Variants in REXO5 observed in about 807,000 individuals in gnomAD.
REXO5 encodes the protein RNA exonuclease 5, also known as exonuclease NEF-sp.
In REXO5, 48 loss-of-function variants were observed where a neutral mutation model predicts 88.5. That is an observed-to-expected ratio of 0.54 (90% CI 0.43 to 0.69). The LOEUF (loss-of-function observed/expected upper bound fraction) is 0.69. Among genes scored for constraint, REXO5 ranks in the 30% least tolerant of loss-of-function variants. The pLI is 0.00. For missense variants in REXO5, 749 were observed against 912.2 expected (o/e 0.82, Z 2.30); for synonymous variants, 311 against 336.5 (o/e 0.92, Z 0.83).
intron 2 of REXO5, 51 bp downstream of exon 2, chr16:20,807,142 G>C: frequency 6.4e-7 from 1 of 1,554,114 alleles, no homozygotes; most frequent in South Asian, 1.2e-5. Context: ...TGGAGCTCCC[G>C]GACCCTCGCC....
At position 20,827,353 on chromosome 16, in the gene REXO5, A is replaced by C; in HGVS notation, c.961A>C (p.Met321Leu). 1 of 1,611,620 alleles carries C rather than the reference A, an allele frequency of 6.2e-7. No homozygotes were observed. The highest frequency in any genetic ancestry group is 8.5e-7 in the Non-Finnish European group (1 of 1,178,356). Residue 321 changes from methionine (M) to leucine (L), a missense_variant and splice_region_variant, in exon 10 of 20, where the codon ATG (methionine) becomes CTG (leucine). By Grantham distance (15) the Met-to-Leu change is conservative. Coordinates refer to ENST00000261377, the MANE Select transcript of REXO5 (RefSeq NM_030941.3). The part of the protein sequence containing the change: ...SLDLDLRALK[M>L]IHPYVIDTSL... ...TCATTTTATTCTCTTTCTTCCTCAGATGATACATCCATATGTTATTGATAC... is the reference window on the plus strand; with the variant it reads ...TCATTTTATTCTCTTTCTTCCTCAGCTGATACATCCATATGTTATTGATAC...
Position 20,813,216 on chromosome 16 carries a change from T to G in REXO5, c.165T>G (p.Phe55Leu). 1 of 1,613,922 alleles carries G rather than the reference T, an allele frequency of 6.2e-7. No individual in the cohort carries two copies. Among genetic ancestry groups the G allele is most frequent in the Non-Finnish European group, 8.5e-7 (1 of 1,179,778 alleles). ...AAGCCCGCTTATCTACCATTTTATTTACTGACAACTGTGAAGTAACCCATG... is the reference window on the plus strand; with the variant it reads ...AAGCCCGCTTATCTACCATTTTATTGACTGACAACTGTGAAGTAACCCATG... ...AKKARLSTIL[F>L]TDNCEVTHDQ... Residue 55 changes from phenylalanine (F) to leucine (L), a missense_variant, in exon 3 of 20, where the codon TTT becomes TTG. Coordinates refer to ENST00000261377, the MANE Select transcript of REXO5 (RefSeq NM_030941.3).
At chr16:20,836,294 C>T (rs1025161326) in intron 13 of REXO5, among the ~76,000 whole-genome samples, 2 of 152,122 alleles carry the variant, frequency 1.3e-5, no homozygotes, top group Non-Finnish European at 2.9e-5. Context: ...GATGAATGTG[C>T]TCTGCCTGTT....
chr16:20,807,300 C>G (rs1327300336), intron 2 of REXO5: 2 of 611,136 alleles, frequency 3.3e-6, no homozygotes, highest in Non-Finnish European at 5.5e-6. Context: ...GTGAGTCGGC[C>G]GAGTGCGGTG....
In REXO5 at chr16:20,825,940, C is replaced by T. The variant is rs1413744440; in HGVS notation, c.813C>T (p.Tyr271=). The part of the protein sequence containing the change: ...LVKPENKILD[Y]LTSFSGITKK... ...AACCTGAAAACAAGATTCTGGACTACCTCACCAGGTATTTTTCACCTTGCC... is the reference window on the plus strand; with the variant it reads ...AACCTGAAAACAAGATTCTGGACTATCTCACCAGGTATTTTTCACCTTGCC... The change falls in exon 8 of 20, where the codon TAC becomes TAT. Residue 271 remains tyrosine, a synonymous_variant. Coordinates refer to ENST00000261377, the MANE Select transcript of REXO5 (RefSeq NM_030941.3). 1 of 1,610,548 alleles carries T rather than the reference C, an allele frequency of 6.2e-7. No homozygotes were observed. The highest frequency in any genetic ancestry group is 1.7e-5 in the Admixed American group (1 of 59,860).
At chr16:20,820,628 A>G (rs929876935) in intron 5 of REXO5, among the ~76,000 whole-genome samples, 6 of 128,102 alleles carry the variant, frequency 4.7e-5, no homozygotes, top group Non-Finnish European at 9.2e-5. Flanking sequence ...CAGTGGCACA[A>G]TCTCTGCTCA....
At chr16:20,826,263 C>T (rs561843852) in intron 8 of REXO5, among the ~76,000 whole-genome samples, 1 of 152,320 alleles carries the variant, frequency 6.6e-6, no homozygotes, top group South Asian at 2.1e-4. Flanking sequence ...GATAAGACCT[C>T]ATCTGAAAAT....
intron 19 of REXO5, among the ~76,000 whole-genome samples, chr16:20,846,976 G>A (rs183166119): frequency 1.3e-5 from 2 of 152,284 alleles, no homozygotes; most frequent in Admixed American, 1.3e-4. Flanking sequence ...AAATCTTAAA[G>A]CATAAAGATG....
intron 5 of REXO5, among the ~76,000 whole-genome samples, chr16:20,819,098 G>A (rs1346355604): frequency 6.6e-6 from 1 of 152,104 alleles, no homozygotes; most frequent in Non-Finnish European, 1.5e-5. Flanking sequence ...AAAGGACATG[G>A]TCTTGTTCCT....
chr16:20,835,610 C>A (rs1257311083), intron 13 of REXO5, among the ~76,000 whole-genome samples: 2 of 146,592 alleles, frequency 1.4e-5, no homozygotes, highest in Non-Finnish European at 3.0e-5. Context: ...CTTCATTTTC[C>A]AATATCCCGA....
At position 20,826,086 on chromosome 16, in the gene REXO5, A is replaced by G. The variant is rs950424738; in HGVS notation, c.821+138A>G. 9 of 606,108 alleles carry G rather than the reference A, an allele frequency of 1.5e-5. No homozygotes were observed. The African/African-American group carries it at 1.7e-4, about 11-fold the overall frequency. 37.5% of individuals were successfully genotyped at this position (606,108 alleles called of 1,614,324 possible). On this transcript the variant is annotated intron_variant, in intron 8 of 19. Coordinates refer to ENST00000261377, the MANE Select transcript of REXO5 (RefSeq NM_030941.3). ...TCAAAGGTTAGGGCATCACATAGGT[A>G]TATTTTAATGCTGAAATTGCACAAT...
intron 7 of REXO5, among the ~76,000 whole-genome samples, chr16:20,824,890 TCCCAGGTACTC>T (rs1474433667): frequency 3.3e-5 from 5 of 151,894 alleles, no homozygotes; most frequent in Non-Finnish European, 7.4e-5. Flanking sequence ...GCACCTGTAG[TCCCAGGTACTC>T]GGGAGGCTGA....
In REXO5 at chr16:20,827,441, T is replaced by A. The variant is rs922630063; in HGVS notation, c.1049T>A (p.Ile350Asn). 6.2e-7 allele frequency: 1 copy of A among 1,611,694 alleles called. No individual in the cohort carries two copies. Among genetic ancestry groups the A allele is most frequent in the Non-Finnish European group, 8.5e-7 (1 of 1,178,314 alleles). The change falls in exon 10 of 20, where the codon ATT (isoleucine) becomes AAT (asparagine). Residue 350 changes from isoleucine to asparagine, a missense_variant. Ile to Asn is a moderately radical substitution (Grantham distance 149). Coordinates refer to ENST00000261377, the MANE Select transcript of REXO5 (RefSeq NM_030941.3). ...AAGCTCAAGTTCTTAGCCAAAGTTA[T>A]TTTGGGGTAGGTTTGCTTATATGCT... ...RFKLKFLAKV[I>N]LGKDIQCPDR...
At chr16:20,807,951 G>T (rs2080927956) in intron 2 of REXO5, among the ~76,000 whole-genome samples, 1 of 152,094 alleles carries the variant, frequency 6.6e-6, no homozygotes, top group Non-Finnish European at 1.5e-5. Flanking sequence ...GTTAGGAACC[G>T]GGCCACAAAG....
chr16:20,833,505 A>G (rs543041014), intron 13 of REXO5, among the ~76,000 whole-genome samples: 198 of 152,206 alleles, frequency 1.3e-3, no homozygotes, highest in African/African-American at 4.5e-3. Context: ...TGAGCTTATT[A>G]TGTTATCATA....
chr16:20,829,152 G>C (rs933047356), intron 11 of REXO5, among the ~76,000 whole-genome samples: 3 of 152,122 alleles, frequency 2.0e-5, no homozygotes, highest in African/African-American at 7.2e-5. Flanking sequence ...CAATTTCTCT[G>C]AACAACATCA....
intron 6 of REXO5, 123 bp from the exon 7 acceptor site, chr16:20,824,316 G>A: frequency 1.7e-6 from 1 of 594,334 alleles, no homozygotes; most frequent in Admixed American, 3.0e-5. Context: ...TGTATTTCAA[G>A]TGTCTAACAT....
chr16:20,839,136 T>C (rs1293476332), intron 13 of REXO5, among the ~76,000 whole-genome samples: 3 of 152,216 alleles, frequency 2.0e-5, no homozygotes, highest in African/African-American at 7.2e-5. Flanking sequence ...GAATTTATAA[T>C]ATTGTTCAGA....
intron 3 of REXO5, among the ~76,000 whole-genome samples, chr16:20,814,036 C>T (rs2081043963): frequency 6.6e-6 from 1 of 151,404 alleles, no homozygotes; most frequent in Admixed American, 6.6e-5. Context: ...ACTTCGAGAA[C>T]TGTCTTCTCC....
Sources: gnomAD v4.1 joint callset for allele counts (sites outside exome capture counted in the v4.1 genomes callset) on GRCh38, gnomAD v4.1.1 for gene constraint, MANE v1.5 for transcripts, NCBI Gene and HGNC (gene_info 2026-07-23, HGNC 2026-07-21) for gene names.